GSE1: variants seen among roughly 807,000 people sequenced by gnomAD.
GSE1 encodes genetic suppressor element 1.
Under a neutral mutation model 112.6 loss-of-function variants are expected in GSE1, and 32 were observed. That is an observed-to-expected ratio of 0.28 (90% CI 0.21 to 0.38). The LOEUF (loss-of-function observed/expected upper bound fraction) is 0.38, where lower values mean the gene tolerates loss of function less well. GSE1 is among the 10% of genes least tolerant of loss of function. The probability of loss-of-function intolerance (pLI) is 1.00; values close to 1 mark genes in which losing one functional copy is unlikely to be tolerated. For missense variants in GSE1, 2,348 were observed against 1,699.2 expected, an observed-to-expected ratio of 1.38 and a Z score of -6.71; for synonymous variants, 1,115 against 735.6, an observed-to-expected ratio of 1.52 and a Z score of -8.35.
chr16:85,617,606 C>T lies in GSE1; in HGVS notation c.7+4208C>T, dbSNP rs1003687929. On this transcript the variant is annotated intron_variant, in intron 1 of 15. Coordinates refer to ENST00000253458, the MANE Select transcript of GSE1 (RefSeq NM_014615.5). ...TCCGTGTGTCAACCCTCCCCCCCCC[C>T]CCCCCGTTAACTGCCACGTGCAGCC... 7.4e-5 allele frequency among the ~76,000 whole-genome samples: 8 copies of T among 107,398 alleles called. 1 individual carries two copies. The highest frequency in any genetic ancestry group is 1.6e-4 in the Admixed American group (2 of 12,254). The allele number at this position is 107,398 out of a possible 152,430, so 70.5% of individuals were successfully genotyped here.
upstream of GSE1, among the ~76,000 whole-genome samples, chr16:85,609,883 C>T (rs2047889686): frequency 6.6e-6 from 1 of 152,178 alleles, no homozygotes. Context: ...TCTCGAACTC[C>T]TGATCTCAAG....
rs118116068 is a variant in GSE1 at position 85,338,651 on chromosome 16, C to T, written c.2284-18812C>T. Reference sequence around the variant, plus strand: ...ATAAAATCAGCTAGGTTTTATCCAGCGGCTCCTAAAGGCCCGGTAGTAGTC... The same window carrying T: ...ATAAAATCAGCTAGGTTTTATCCAGTGGCTCCTAAAGGCCCGGTAGTAGTC... On this transcript the variant is annotated intron_variant, in intron 1 of 2. Coordinates refer to the GSE1 transcript ENST00000637419. Among the ~76,000 whole-genome samples the T allele has an allele frequency of 2.7e-3, 418 of 152,306 alleles. 3 individuals carry two copies. Among genetic ancestry groups the T allele is most frequent in the South Asian group, 1.0e-2 (48 of 4,822 alleles).
chr16:85,401,059 G>A (rs1221651559), intron 2 of GSE1, among the ~76,000 whole-genome samples: 1 of 152,138 alleles, frequency 6.6e-6, no homozygotes, highest in Non-Finnish European at 1.5e-5. Context: ...CCGCGTGGAG[G>A]CCAAACCACG....
intron 1 of GSE1, among the ~76,000 whole-genome samples, chr16:85,357,025 G>C (rs960800757): frequency 6.6e-6 from 1 of 152,148 alleles, no homozygotes; most frequent in Non-Finnish European, 1.5e-5. Context: ...GGCCCCAGGG[G>C]ATCTCTGGGC....
chr16:85,525,147 G>C (rs970240571), intron 2 of GSE1, among the ~76,000 whole-genome samples: 2 of 152,058 alleles, frequency 1.3e-5, no homozygotes, highest in Non-Finnish European at 1.5e-5. Flanking sequence ...AGTGGGCCAG[G>C]GGGTAACTGG....
chr16:85,261,170 C>G (rs768696500), intron 1 of GSE1, among the ~76,000 whole-genome samples: 1 of 152,194 alleles, frequency 6.6e-6, no homozygotes, highest in Non-Finnish European at 1.5e-5. Flanking sequence ...CCTGGGCTGC[C>G]GCATCCCAGC....
chr16:85,535,871 G>C (rs1459008941), intron 2 of GSE1, among the ~76,000 whole-genome samples: 1 of 152,236 alleles, frequency 6.6e-6, no homozygotes, highest in African/African-American at 2.4e-5. Flanking sequence ...GTCCTGTCCG[G>C]CCCTACCTCT....
intron 1 of GSE1, among the ~76,000 whole-genome samples, chr16:85,198,819 CCCAGG>C (rs2074975958): frequency 6.6e-6 from 1 of 152,170 alleles, no homozygotes; most frequent in Non-Finnish European, 1.5e-5. Context: ...CACTTAGTCG[CCCAGG>C]CTGGAGTACA....
At chr16:85,226,584 C>G (rs1409295479) in intron 1 of GSE1, among the ~76,000 whole-genome samples, 1 of 152,138 alleles carries the variant, frequency 6.6e-6, no homozygotes, top group East Asian at 1.9e-4. Context: ...CCTTGGGCCT[C>G]GGTTTCTTCT....
At chr16:85,223,308 A>G (rs2075425465) in intron 1 of GSE1, among the ~76,000 whole-genome samples, 1 of 152,192 alleles carries the variant, frequency 6.6e-6, no homozygotes. Context: ...GGATCATTTG[A>G]GGTCAGGAGT....
chr16:85,539,905 C>T (rs1048578689), intron 2 of GSE1, among the ~76,000 whole-genome samples: 2 of 152,238 alleles, frequency 1.3e-5, no homozygotes, highest in Non-Finnish European at 2.9e-5. Context: ...AGAGTCCTGG[C>T]CCTCGTGGGG....
chr16:85,486,764 G>A (rs1210685288), intron 2 of GSE1, among the ~76,000 whole-genome samples: 3 of 152,166 alleles, frequency 2.0e-5, no homozygotes, highest in South Asian at 4.1e-4. Context: ...GGCTGTTCTC[G>A]GGGGTTCCCC....
At chr16:85,388,647 GAT>G (rs1567729106) in intron 2 of GSE1, among the ~76,000 whole-genome samples, 2 of 145,114 alleles carry the variant, frequency 1.4e-5, no homozygotes, top group African/African-American at 5.3e-5. Context: ...TGTGTGGGTG[GAT>G]GGATGGATGG....
intron 1 of GSE1, among the ~76,000 whole-genome samples, chr16:85,192,291 T>G (rs2074839871): frequency 6.6e-6 from 1 of 152,256 alleles, no homozygotes; most frequent in African/African-American, 2.4e-5. Flanking sequence ...CCTTGCTAGC[T>G]GTGCGTTCTT....
At chr16:85,541,721 T>C (rs968476882) in intron 2 of GSE1, among the ~76,000 whole-genome samples, 5 of 152,018 alleles carry the variant, frequency 3.3e-5, no homozygotes, top group African/African-American at 1.2e-4. Context: ...GCGGCAGGGA[T>C]GGTGTTGATG....
intron 2 of GSE1, among the ~76,000 whole-genome samples, chr16:85,474,382 G>A (rs549302795): frequency 6.6e-6 from 1 of 152,268 alleles, no homozygotes; most frequent in Non-Finnish European, 1.5e-5. Context: ...TGCTGTTGCT[G>A]GGAGCCAGAG....
At chr16:85,327,842 C>G (rs1057462959) in intron 1 of GSE1, among the ~76,000 whole-genome samples, 4 of 152,194 alleles carry the variant, frequency 2.6e-5, no homozygotes, top group Admixed American at 2.6e-4. Flanking sequence ...CTTAGGATCA[C>G]AGACTCACAG....
intron 1 of GSE1, among the ~76,000 whole-genome samples, chr16:85,181,485 T>G (rs574917078): frequency 6.6e-6 from 1 of 152,188 alleles, no homozygotes; most frequent in South Asian, 2.1e-4. Context: ...GGGCCTGGCT[T>G]CCACACGGCC....
chr16:85,244,266 C>G (rs976062510), intron 1 of GSE1, among the ~76,000 whole-genome samples: 1 of 151,996 alleles, frequency 6.6e-6, no homozygotes, highest in Admixed American at 6.6e-5. Flanking sequence ...AGGTGGGATG[C>G]CAGAGGCACT....
Sources: gnomAD v4.1 joint callset for allele counts (sites outside exome capture counted in the v4.1 genomes callset) on GRCh38, gnomAD v4.1.1 for gene constraint, MANE v1.5 for transcripts, NCBI Gene and HGNC (gene_info 2026-07-23, HGNC 2026-07-21) for gene names.